Variants in CDH4 observed in about 807,000 individuals in gnomAD.
CDH4 encodes cadherin 4.
A neutral mutation model predicts 86.0 loss-of-function variants in CDH4; 33 were observed. That is an observed-to-expected ratio of 0.38 (90% confidence interval 0.29 to 0.51). The LOEUF (loss-of-function observed/expected upper bound fraction) is 0.51. CDH4 is among the 20% of genes least tolerant of loss of function. The pLI is 0.86. For missense variants in CDH4, 1,114 were observed against 1,307.4 expected (o/e 0.85, Z 2.28); for synonymous variants, 555 against 549.4 (o/e 1.01, Z -0.14).
intron 2 of CDH4, among the ~76,000 whole-genome samples, chr20:61,590,288 C>T (rs1568700678): frequency 6.6e-6 from 1 of 152,234 alleles, no homozygotes; most frequent in Admixed American, 6.5e-5. Context: ...AGAATACAAG[C>T]CTGAGCTGAG....
At chr20:61,896,421 G>A (rs1239421203) in intron 8 of CDH4, among the ~76,000 whole-genome samples, 2 of 152,218 alleles carry the variant, frequency 1.3e-5, no homozygotes, top group African/African-American at 4.8e-5. Flanking sequence ...AGCTGCACCA[G>A]GCGGAGGTGG....
intron 2 of CDH4, among the ~76,000 whole-genome samples, chr20:61,567,543 A>G (rs2086308855): frequency 6.6e-6 from 1 of 152,182 alleles, no homozygotes; most frequent in Non-Finnish European, 1.5e-5. Context: ...CCACCTCCTG[A>G]CATCATCACC....
rs369287208 is a variant in CDH4 at position 61,755,718 on chromosome 20, C to T, written c.396+11929C>T. On this transcript the variant is annotated intron_variant, in intron 3 of 15. Transcript: ENST00000614565. ...TACATTTTATACCACATACATGAAT[C>T]GCATGGACATACCACATACACTGCA... 1.7e-3 allele frequency among the ~76,000 whole-genome samples: 249 copies of T among 143,260 alleles called. 5 individuals are homozygous for T. The South Asian group carries it at 0.033, about 19-fold the overall frequency. The allele number at this position is 143,260 out of a possible 152,430, so 94.0% of individuals were successfully genotyped here.
intron 2 of CDH4, among the ~76,000 whole-genome samples, chr20:61,395,194 G>A (rs1410017249): frequency 6.6e-6 from 1 of 151,828 alleles, no homozygotes; most frequent in Non-Finnish European, 1.5e-5. Flanking sequence ...AAAAAATGCT[G>A]AGGAACTCAT....
At chr20:61,624,245 G>A (rs977834953) in intron 2 of CDH4, among the ~76,000 whole-genome samples, 1 of 152,238 alleles carries the variant, frequency 6.6e-6, no homozygotes, top group African/African-American at 2.4e-5. Flanking sequence ...GATACTAGCA[G>A]TCGCTAAGTG....
At chr20:61,774,086 G>C (rs6142682) in intron 4 of CDH4, among the ~76,000 whole-genome samples, 26,456 of 152,186 alleles carry the variant, frequency 0.17, 2,448 homozygotes, top group East Asian at 0.34. Flanking sequence ...AGTGAATGCA[G>C]TGTGCCTCCA....
chr20:61,597,937 CCTATTTT>C (rs2086568745), intron 2 of CDH4, among the ~76,000 whole-genome samples: 1 of 152,180 alleles, frequency 6.6e-6, no homozygotes, highest in Non-Finnish European at 1.5e-5. Flanking sequence ...TTTCCTTTTT[CCTATTTT>C]CTCCAAGTTT....
chr20:61,333,156 TAAAG>T (rs1456087952), intron 2 of CDH4, among the ~76,000 whole-genome samples: 1 of 152,038 alleles, frequency 6.6e-6, no homozygotes, highest in Non-Finnish European at 1.5e-5. Context: ...GCAACTCTAA[TAAAG>T]AAAAGAAACA....
chr20:61,700,411 T>A (rs1443535036), intron 2 of CDH4, among the ~76,000 whole-genome samples: 1 of 152,196 alleles, frequency 6.6e-6, no homozygotes, highest in Non-Finnish European at 1.5e-5. Flanking sequence ...ATTAGACTCT[T>A]GGGGTCAGGC....
chr20:61,564,851 G>A (rs2086252230), intron 2 of CDH4, among the ~76,000 whole-genome samples: 1 of 152,154 alleles, frequency 6.6e-6, no homozygotes, highest in South Asian at 2.1e-4. Context: ...TAGCAGGCGA[G>A]GTCCCCGGGG....
intron 2 of CDH4, among the ~76,000 whole-genome samples, chr20:61,334,754 C>G (rs2084608283): frequency 6.6e-6 from 1 of 152,194 alleles, no homozygotes; most frequent in Admixed American, 6.5e-5. Context: ...CGTCTGTAGC[C>G]CTCGCCTCCT....
At chr20:61,533,942 G>A (rs971423000) in intron 2 of CDH4, among the ~76,000 whole-genome samples, 57 of 152,280 alleles carry the variant, frequency 3.7e-4, no homozygotes, top group African/African-American at 1.3e-3. Context: ...TAGTTGGGAG[G>A]TGCTTCTTGC....
chr20:61,700,491 G>C (rs990056378), intron 2 of CDH4, among the ~76,000 whole-genome samples: 3 of 152,180 alleles, frequency 2.0e-5, no homozygotes, highest in African/African-American at 7.2e-5. Flanking sequence ...AAGTTCCTTG[G>C]TAGCACGTCA....
chr20:61,808,448 G>A (rs560214929), intron 4 of CDH4, among the ~76,000 whole-genome samples: 3 of 152,080 alleles, frequency 2.0e-5, no homozygotes, highest in African/African-American at 4.8e-5. Flanking sequence ...GAAAGCCTCC[G>A]TGTAGACTTC....
rs767099703 is a variant in CDH4 at position 61,417,315 on chromosome 20, C to T, written c.169+162378C>T. ...TCTTTCTCCATCTCCCTCTCCCTCC[C>T]TCTACCTCTCTTCTCTCTCCCCTCA... On this transcript the variant is annotated intron_variant, in intron 2 of 15. Coordinates refer to ENST00000614565, the MANE Select transcript of CDH4 (RefSeq NM_001794.5). This position sits in a 1 kb window ranked among gnomAD's most constrained non-coding sequence, Gnocchi z 4.0. 6.6e-6 allele frequency among the ~76,000 whole-genome samples: 1 copy of T among 152,012 alleles called. No homozygotes were observed. Among genetic ancestry groups the T allele is most frequent in the East Asian group, 1.9e-4 (1 of 5,166 alleles).
intron 2 of CDH4, among the ~76,000 whole-genome samples, chr20:61,553,767 A>G (rs909728841): frequency 3.9e-5 from 6 of 152,180 alleles, no homozygotes; most frequent in African/African-American, 1.4e-4. Context: ...TTCCAATTCT[A>G]TCTCCCTATC....
intron 4 of CDH4, among the ~76,000 whole-genome samples, chr20:61,774,799 G>A (rs775124447): frequency 1.3e-4 from 20 of 152,132 alleles, no homozygotes; most frequent in Admixed American, 3.3e-4. Context: ...TCCCACTTTA[G>A]TTTGCTAAGG....
intron 2 of CDH4, among the ~76,000 whole-genome samples, chr20:61,257,207 A>T (rs2084103392): frequency 6.6e-6 from 1 of 152,224 alleles, no homozygotes; most frequent in South Asian, 2.1e-4. Context: ...GCTATCAGCG[A>T]CTGCTCCGTG....
chr20:61,720,151 G>A (rs1031932452), intron 2 of CDH4, among the ~76,000 whole-genome samples: 2 of 152,110 alleles, frequency 1.3e-5, no homozygotes, highest in Non-Finnish European at 1.5e-5. Flanking sequence ...TCCTGCCTTC[G>A]GGTGGAGGGC....
Sources: gnomAD v4.1 joint callset for allele counts (sites outside exome capture counted in the v4.1 genomes callset) on GRCh38, gnomAD v4.1.1 for gene constraint, Gnocchi (gnomAD v3.1) non-coding constraint, MANE v1.5 for transcripts, NCBI Gene and HGNC (gene_info 2026-07-23, HGNC 2026-07-21) for gene names.